IQSEC1: variants seen among roughly 807,000 people sequenced by gnomAD.
IQSEC1 encodes the protein IQ motif and SEC7 domain-containing protein 1.
IQSEC1 carries 31 observed loss-of-function variants against 91.0 expected under a neutral mutation model. The observed-to-expected ratio is 0.34, with a 90% CI of 0.26 to 0.46. IQSEC1 has a LOEUF of 0.46. IQSEC1 is among the 20% of genes least tolerant of loss of function. IQSEC1 has a pLI of 1.00. For synonymous variants in IQSEC1, 699 were observed against 662.6 expected, an observed-to-expected ratio of 1.05 and a Z score of -0.84; for missense variants, 1,388 against 1,575.6, an observed-to-expected ratio of 0.88 and a Z score of 2.02.
Position 12,900,165 on chromosome 3 carries a change from A to C in IQSEC1, c.*818T>G. The C allele has an allele frequency of 7.2e-6, 7 of 970,936 alleles. No homozygotes were observed. The highest frequency in any genetic ancestry group is 8.6e-6 in the Non-Finnish European group (7 of 816,782). The allele number at this position is 970,936 out of a possible 1,614,324, so 60.1% of individuals were successfully genotyped here. ...TATGATAGTATTCTGTTAATAAAAT[A>C]AGGATTTATACAAAGCAATACTGGA... is the stretch of plus-strand genomic sequence containing the variant. On this transcript the variant is annotated 3_prime_UTR_variant, in exon 14 of 14. Transcript: ENST00000613206.
intron 2 of IQSEC1, among the ~76,000 whole-genome samples, chr3:13,093,907 T>C (rs1464239108): frequency 6.6e-6 from 1 of 152,186 alleles, no homozygotes; most frequent in African/African-American, 2.4e-5. Flanking sequence ...CTGTTCTTCA[T>C]AGTGATTGGC....
At position 13,207,632 on chromosome 3, in the gene IQSEC1, G is replaced by A. The variant is rs968425424; in HGVS notation, c.273-43499C>T. Among the ~76,000 whole-genome samples, 7 of 152,164 alleles carry A rather than the reference G, an allele frequency of 4.6e-5. No individual in the cohort carries two copies. The South Asian group carries it at 1.5e-3, about 32-fold the overall frequency. ...CCAGCCTCTGCCCTGGCCTCCCTGAGGCTCCTCACTTGTCCCCACCCCAGA... is the reference window on the plus strand; with the variant it reads ...CCAGCCTCTGCCCTGGCCTCCCTGAAGCTCCTCACTTGTCCCCACCCCAGA... On this transcript the variant is annotated intron_variant, in intron 1 of 15. Coordinates refer to the IQSEC1 transcript ENST00000648114. The surrounding 1 kb of genome is among the most constrained non-coding windows in gnomAD (Gnocchi z 4.8).
intron 1 of IQSEC1, among the ~76,000 whole-genome samples, chr3:13,249,233 G>A (rs934727661): frequency 3.0e-4 from 44 of 146,506 alleles, no homozygotes; most frequent in African/African-American, 1.0e-3. Context: ...GTGCAGTGGC[G>A]CGATCTCGGC....
At chr3:13,227,197 G>A (rs1407252783) in intron 1 of IQSEC1, among the ~76,000 whole-genome samples, 1 of 151,952 alleles carries the variant, frequency 6.6e-6, no homozygotes, top group African/African-American at 2.4e-5. Context: ...CCAACCTGGT[G>A]AAACCCCGTC....
intron 2 of IQSEC1, among the ~76,000 whole-genome samples, chr3:13,110,655 T>C (rs775959293): frequency 2.4e-4 from 37 of 152,310 alleles, no homozygotes; most frequent in Middle Eastern, 3.4e-3. Flanking sequence ...CCTTACCACC[T>C]GAGCCTGACA....
At chr3:13,115,592 G>A (rs534726340) in intron 2 of IQSEC1, among the ~76,000 whole-genome samples, 89 of 152,330 alleles carry the variant, frequency 5.8e-4, no homozygotes, top group African/African-American at 2.0e-3. Context: ...AGAATACGTT[G>A]TCTCACTGCA....
Position 12,908,253 on chromosome 3 carries a change from G to A in IQSEC1, c.2755+96C>T. The stretch of plus-strand genomic sequence containing the variant: ...GAAATGCCGCACTGGCTTCGCCGCA[G>A]GCCCTGCCCCGCGTGATGCATGCCC... On this transcript the variant is annotated intron_variant, in intron 12 of 13. Transcript: ENST00000613206. The surrounding 1 kb of genome is among the most constrained non-coding windows in gnomAD (Gnocchi z 4.9). The A allele has an allele frequency of 1.5e-6, 2 of 1,337,098 alleles. No individual in the cohort carries two copies. The highest frequency in any genetic ancestry group is 2.1e-6 in the Non-Finnish European group (2 of 970,994). 82.8% of individuals were successfully genotyped at this position (1,337,098 alleles called of 1,614,324 possible).
chr3:12,961,920 G>C (rs1700261947), intron 1 of IQSEC1, among the ~76,000 whole-genome samples: 2 of 152,240 alleles, frequency 1.3e-5, no homozygotes, highest in Non-Finnish European at 2.9e-5. Context: ...AGCAGAGCTG[G>C]CTTTAGAGTT....
chr3:13,109,921 C>T (rs1434330037), intron 2 of IQSEC1, among the ~76,000 whole-genome samples: 3 of 134,230 alleles, frequency 2.2e-5, no homozygotes, highest in East Asian at 2.2e-4. Context: ...GTCTAGCTGT[C>T]GCTCAGGCTT....
intron 1 of IQSEC1, among the ~76,000 whole-genome samples, chr3:13,063,592 T>C (rs1322866239): frequency 6.6e-6 from 1 of 152,190 alleles, no homozygotes; most frequent in Non-Finnish European, 1.5e-5. Context: ...GCCCCGGTTC[T>C]GGGAGGCATT....
chr3:13,118,519 AC>A (rs1181519566), intron 2 of IQSEC1, among the ~76,000 whole-genome samples: 1 of 152,220 alleles, frequency 6.6e-6, no homozygotes, highest in Non-Finnish European at 1.5e-5. Context: ...TACACGGATG[AC>A]CTTGAGGACA....
chr3:13,231,550 T>G (rs1694839815), intron 1 of IQSEC1, among the ~76,000 whole-genome samples: 1 of 105,220 alleles, frequency 9.5e-6, no homozygotes, highest in Admixed American at 9.4e-5. Context: ...CCTCACCACC[T>G]CCCAACGGCC....
At chr3:13,242,855 G>T (rs1695042714) in intron 1 of IQSEC1, among the ~76,000 whole-genome samples, 1 of 152,174 alleles carries the variant, frequency 6.6e-6, no homozygotes, top group South Asian at 2.1e-4. Context: ...AGGGAGAGAG[G>T]GAGGGAAGAG....
chr3:13,012,966 T>TTTTTTTTTTTTTC (rs1702955186), intron 1 of IQSEC1, among the ~76,000 whole-genome samples: 1 of 137,898 alleles, frequency 7.3e-6, no homozygotes, highest in Non-Finnish European at 1.6e-5. Context: ...AGTCTGGGCT[T>TTTTTTTTTTTTTC]TTTTTTTTTT....
Position 12,935,989 on chromosome 3 carries a change from T to C in IQSEC1, c.1027A>G (p.Thr343Ala). The change falls in exon 3 of 14, where the codon ACG becomes GCG. Residue 343 changes from threonine (T) to alanine (A), a missense_variant. Transcript: ENST00000613206. This position sits in a 1 kb window ranked among gnomAD's most constrained non-coding sequence, Gnocchi z 8.0. ...AHKEDKADTD[T>A]SCRSTPSLER... ...AGCGACGGCGTGCTCCGGCAGCTCG[T>C]GTCCGTGTCAGCCTTGTCCTCTTTG... The C allele has an allele frequency of 6.3e-7, 1 of 1,599,862 alleles. No individual in the cohort carries two copies. The highest frequency in any genetic ancestry group is 1.1e-5 in the South Asian group (1 of 91,054).
intron 2 of IQSEC1, among the ~76,000 whole-genome samples, chr3:13,136,859 G>A (rs889862575): frequency 2.0e-5 from 3 of 152,198 alleles, no homozygotes; most frequent in Non-Finnish European, 4.4e-5. Flanking sequence ...TTCTGGGGCC[G>A]GGTGCGGTGG....
rs1380280515 is a variant in IQSEC1 at position 13,085,060 on chromosome 3, C to T, written c.303-37538G>A. Among the ~76,000 whole-genome samples the T allele has an allele frequency of 3.3e-5, 5 of 152,128 alleles. No individual in the cohort carries two copies. The South Asian group carries it at 8.3e-4, about 25-fold the overall frequency. On this transcript the variant is annotated intron_variant, in intron 2 of 15. Transcript: ENST00000648114. ...TTGGGCTCAGAGGCCATAGATAGGACCCTCGAACAAAGAGGAACAGGGAAG... is the reference window on the plus strand; with the variant it reads ...TTGGGCTCAGAGGCCATAGATAGGATCCTCGAACAAAGAGGAACAGGGAAG...
chr3:13,190,577 T>C (rs1226756917), intron 1 of IQSEC1, among the ~76,000 whole-genome samples: 1 of 98,106 alleles, frequency 1.0e-5, no homozygotes, highest in Non-Finnish European at 2.2e-5. Context: ...ACAGATAAAG[T>C]GTGGCCTTGA....
intron 2 of IQSEC1, among the ~76,000 whole-genome samples, chr3:12,939,733 A>G (rs975629726): frequency 6.6e-6 from 1 of 152,208 alleles, no homozygotes; most frequent in Non-Finnish European, 1.5e-5. Flanking sequence ...TTCCTGGGAC[A>G]GCCAGCTCTA....
Sources: gnomAD v4.1 joint callset for allele counts (sites outside exome capture counted in the v4.1 genomes callset) on GRCh38, gnomAD v4.1.1 for gene constraint, Gnocchi (gnomAD v3.1) non-coding constraint, MANE v1.5 for transcripts, NCBI Gene and HGNC (gene_info 2026-07-23, HGNC 2026-07-21) for gene names.